Variants in ANO1 observed in about 807,000 individuals in gnomAD.
The protein encoded by ANO1 is anoctamin 1, also known as anoctamin-1.
Under a neutral mutation model 124.0 loss-of-function variants are expected in ANO1, and 59 were observed. The ratio of observed to expected loss-of-function variants is 0.48; its 90% CI spans 0.39 to 0.59. ANO1 has a LOEUF of 0.59. Among genes scored for constraint, ANO1 ranks in the 20% least tolerant of loss-of-function variants. The pLI, the probability that ANO1 is intolerant of heterozygous loss-of-function variation, is 0.00. For missense variants in ANO1, 1,059 were observed against 1,328.0 expected, an observed-to-expected ratio of 0.80 and a Z score of 3.15; for synonymous variants, 529 against 532.0, an observed-to-expected ratio of 0.99 and a Z score of 0.08.
rs1158175085 is a variant in ANO1 at position 70,167,402 on chromosome 11, GGGCA to G, written c.2197+22_2197+25del. 4 of 1,604,710 alleles carry G rather than the reference GGGCA, an allele frequency of 2.5e-6. No individual in the cohort carries two copies. Among genetic ancestry groups the G allele is most frequent in the Non-Finnish European group, 3.4e-6 (4 of 1,175,584 alleles). On this transcript the variant is annotated intron_variant, in intron 21 of 25. Transcript: ENST00000355303. ...CATGGAAATGAGTGAGTGATGGCCG[GGGCA>G]GGCAGGTGACATCAGGATAGAAACA...
At chr11:70,112,982 T>C (rs562506846) in intron 7 of ANO1, among the ~76,000 whole-genome samples, 1 of 152,308 alleles carries the variant, frequency 6.6e-6, no homozygotes, top group South Asian at 2.1e-4. Flanking sequence ...TCTAGGCAGA[T>C]CTGCTGCCCG....
At chr11:70,075,015 A>G (rs1436246963), upstream of ANO1, 1 of 152,240 alleles carries the variant, frequency 6.6e-6, no homozygotes, top group Non-Finnish European at 1.5e-5. Context: ...AAAAGAGGAA[A>G]TCTAGGCACA....
intron 1 of ANO1, among the ~76,000 whole-genome samples, chr11:69,992,352 T>C (rs566427115): frequency 5.9e-5 from 9 of 152,346 alleles, no homozygotes; most frequent in East Asian, 1.9e-4. Context: ...TTCTAGGCAC[T>C]ATTGCAAGCC....
At chr11:70,102,944 G>T in intron 2 of ANO1, 122 bp from the exon 3 acceptor site, 1 of 659,776 alleles carries the variant, frequency 1.5e-6, no homozygotes, top group Non-Finnish European at 2.6e-6. Context: ...GAATGAGGCC[G>T]CGGTAAAAGC....
intron 16 of ANO1, among the ~76,000 whole-genome samples, chr11:70,160,404 G>A (rs773494782): frequency 1.3e-5 from 2 of 152,204 alleles, no homozygotes; most frequent in Non-Finnish European, 2.9e-5. Context: ...ACAGACAGAG[G>A]TGTGTGGAAC....
chr11:70,177,615 T>C (rs2135811429), intron 22 of ANO1, among the ~76,000 whole-genome samples: 1 of 146,840 alleles, frequency 6.8e-6, no homozygotes, highest in South Asian at 2.2e-4. Flanking sequence ...TTTTTTTTTT[T>C]TTGAGACAGA....
intron 1 of ANO1, among the ~76,000 whole-genome samples, chr11:70,041,113 C>G (rs1480466868): frequency 2.6e-5 from 4 of 152,152 alleles, no homozygotes; most frequent in Non-Finnish European, 4.4e-5. Context: ...CCCACCCCAC[C>G]CCATGTGTGA....
intron 11 of ANO1, among the ~76,000 whole-genome samples, chr11:70,138,641 C>A (rs991827233): frequency 6.6e-6 from 1 of 152,162 alleles, no homozygotes; most frequent in Non-Finnish European, 1.5e-5. Flanking sequence ...GCTCTATGAC[C>A]CCATCTGGCA....
At chr11:70,134,873 C>G (rs936299559) in intron 11 of ANO1, among the ~76,000 whole-genome samples, 1 of 152,214 alleles carries the variant, frequency 6.6e-6, no homozygotes, top group African/African-American at 2.4e-5. Context: ...GTGGCAGGAG[C>G]TCCAGGTGCA....
chr11:70,000,056 T>TTACAGAGGACTCCCAGGGGAATTCCC (rs1856351806), intron 1 of ANO1, among the ~76,000 whole-genome samples: 1 of 152,270 alleles, frequency 6.6e-6, no homozygotes, highest in East Asian at 1.9e-4. Context: ...AGGAAGGAAC[T>TTACAGAGGACTCCCAGGGGAATTCCC]TACAGAGGAC....
At chr11:70,163,595 T>G in intron 19 of ANO1, 1 of 602,226 alleles carries the variant, frequency 1.7e-6, no homozygotes, top group Non-Finnish European at 2.9e-6. Flanking sequence ...CAACATCTGG[T>G]TTTCTTTTCT....
chr11:70,115,339 G>T (rs934956985), intron 7 of ANO1, among the ~76,000 whole-genome samples: 1 of 151,314 alleles, frequency 6.6e-6, no homozygotes, highest in Non-Finnish European at 1.5e-5. Flanking sequence ...CAGGCCAGGC[G>T]CAGTGGCTCA....
At chr11:70,002,709 A>C (rs1856409058) in intron 1 of ANO1, among the ~76,000 whole-genome samples, 1 of 152,152 alleles carries the variant, frequency 6.6e-6, no homozygotes, top group African/African-American at 2.4e-5. Flanking sequence ...TTTCTAATTC[A>C]GTTAGAAGAT....
chr11:70,109,453 C>A lies in ANO1; in HGVS notation c.799+1049C>A, dbSNP rs115237773. On this transcript the variant is annotated intron_variant, in intron 6 of 25. Transcript: ENST00000355303. Reference sequence around the variant, plus strand: ...AGGCCTGAAGTCTCTAAGTCCATGTCCTAAGGCAAGGGGAGTGTGGAGGAG... The same window carrying A: ...AGGCCTGAAGTCTCTAAGTCCATGTACTAAGGCAAGGGGAGTGTGGAGGAG... 9.1e-3 allele frequency among the ~76,000 whole-genome samples: 1,386 copies of A among 152,256 alleles called. 29 individuals carry two copies. The highest frequency in any genetic ancestry group is 0.032 in the African/African-American group (1,317 of 41,552).
chr11:69,985,698 T>G (rs1554996784), upstream of ANO1, among the ~76,000 whole-genome samples: 4 of 151,796 alleles, frequency 2.6e-5, no homozygotes, highest in Non-Finnish European at 5.9e-5. Flanking sequence ...CTGGGAGCGG[T>G]GGAGACGCGC....
intron 11 of ANO1, among the ~76,000 whole-genome samples, chr11:70,144,728 C>G (rs1005874643): frequency 6.6e-6 from 1 of 152,230 alleles, no homozygotes; most frequent in South Asian, 2.1e-4. Context: ...TTGGCCACCT[C>G]GTAAGGCTGC....
chr11:69,973,600 G>A, the ANO1 span, among the ~76,000 whole-genome samples: 2 of 152,060 alleles, frequency 1.3e-5, no homozygotes, highest in Non-Finnish European at 2.9e-5. Context: ...TTAGCCGGGC[G>A]CGGTGGCTCA....
At chr11:70,187,678 G>A in intron 25 of ANO1, 60 bp from the exon 26 acceptor site, 2 of 1,543,834 alleles carry the variant, frequency 1.3e-6, no homozygotes, top group Non-Finnish European at 1.7e-6. Context: ...AGGCAGAGAG[G>A]TCAGGAGCAC....
At chr11:70,142,495 G>A (rs1277004479) in intron 11 of ANO1, among the ~76,000 whole-genome samples, 5 of 152,052 alleles carry the variant, frequency 3.3e-5, no homozygotes, top group Non-Finnish European at 7.4e-5. Context: ...CATCTCTGCC[G>A]AGCACTCTCG....
Sources: gnomAD v4.1 joint callset for allele counts (sites outside exome capture counted in the v4.1 genomes callset) on GRCh38, gnomAD v4.1.1 for gene constraint, MANE v1.5 for transcripts, NCBI Gene and HGNC (gene_info 2026-07-23, HGNC 2026-07-21) for gene names.